Variants in MYT1L observed in about 807,000 individuals in gnomAD.
MYT1L encodes the protein myelin transcription factor 1 like, also known as myelin transcription factor 1-like protein.
In MYT1L, 12 loss-of-function variants were observed where a neutral mutation model predicts 126.7. The observed-to-expected ratio is 0.09, with a 90% CI of 0.06 to 0.15. The LOEUF (loss-of-function observed/expected upper bound fraction) is 0.15. Among genes scored for constraint, MYT1L ranks in the 10% least tolerant of loss-of-function variants. The pLI, the probability that MYT1L is intolerant of heterozygous loss-of-function variation, is 1.00. For missense variants in MYT1L, 979 were observed against 1,585.2 expected, an observed-to-expected ratio of 0.62 and a Z score of 6.49; for synonymous variants, 541 against 604.2, an observed-to-expected ratio of 0.90 and a Z score of 1.53.
intron 2 of MYT1L, among the ~76,000 whole-genome samples, chr2:2,188,947 C>T (rs2092397380): frequency 6.6e-6 from 1 of 152,166 alleles, no homozygotes; most frequent in Non-Finnish European, 1.5e-5. Flanking sequence ...TCTCCTCTCA[C>T]ACATGCTTCA....
At chr2:1,792,801 C>T (rs1266104024) in intron 23 of MYT1L, among the ~76,000 whole-genome samples, 6 of 136,874 alleles carry the variant, frequency 4.4e-5, no homozygotes, top group Non-Finnish European at 7.6e-5. Context: ...ACCCGAGAGG[C>T]GGAGGTTGCA....
chr2:2,226,992 G>A (rs910154256), intron 2 of MYT1L, among the ~76,000 whole-genome samples: 8 of 152,000 alleles, frequency 5.3e-5, no homozygotes, highest in African/African-American at 1.9e-4. Flanking sequence ...GATGACTTTT[G>A]AACAATAGGG....
intron 9 of MYT1L, among the ~76,000 whole-genome samples, chr2:1,942,204 C>A (rs1160790639): frequency 6.6e-6 from 1 of 152,202 alleles, no homozygotes; most frequent in Admixed American, 6.5e-5. Context: ...CCACAAAACT[C>A]CCACCTCTTT....
At chr2:2,240,280 C>T (rs187453585) in intron 2 of MYT1L, among the ~76,000 whole-genome samples, 112 of 151,928 alleles carry the variant, frequency 7.4e-4, no homozygotes, top group African/African-American at 2.4e-3. Context: ...GCAAAAAGAG[C>T]GAAACTCCGT....
intron 11 of MYT1L, among the ~76,000 whole-genome samples, chr2:1,916,681 T>C (rs545640117): frequency 2.0e-5 from 3 of 152,292 alleles, no homozygotes; most frequent in East Asian, 3.9e-4. Flanking sequence ...GAAGAACCTA[T>C]AGTGTTGAAA....
chr2:1,979,193 C>T lies in MYT1L; in HGVS notation c.124G>A (p.Val42Ile), dbSNP rs1030359101. ...CTGTGTCTTGCATATTTGCCACTGA[C>T]ATGACCACTGCCGTCACAGCCAGGG... is the stretch of plus-strand genomic sequence containing the variant. ...PTPGCDGSGH[V>I]SGKYARHRSV... Residue 42 changes from valine to isoleucine, a missense_variant, in exon 8 of 25, where the codon GTC becomes ATC. By Grantham distance (29) the Val-to-Ile change is conservative (BLOSUM62 3). Transcript: ENST00000647738. The surrounding 1 kb of genome is among the most constrained non-coding windows in gnomAD (Gnocchi z 4.0). 1 of 1,613,804 alleles carries T rather than the reference C, an allele frequency of 6.2e-7. No homozygotes were observed. Among genetic ancestry groups the T allele is most frequent in the African/African-American group, 1.3e-5 (1 of 74,908 alleles).
chr2:2,109,243 T>C (rs1309574170), intron 3 of MYT1L, among the ~76,000 whole-genome samples: 2 of 152,180 alleles, frequency 1.3e-5, no homozygotes, highest in Non-Finnish European at 2.9e-5. Context: ...TTTGGAATGT[T>C]TGCTACAGAA....
intron 4 of MYT1L, among the ~76,000 whole-genome samples, chr2:2,012,892 G>C (rs1183251840): frequency 6.6e-6 from 1 of 152,144 alleles, no homozygotes; most frequent in Non-Finnish European, 1.5e-5. Flanking sequence ...AGGCCGGCTT[G>C]TTGTTTATCA....
chr2:2,009,365 C>A (rs2063604010), intron 4 of MYT1L, among the ~76,000 whole-genome samples: 1 of 151,808 alleles, frequency 6.6e-6, no homozygotes, highest in Non-Finnish European at 1.5e-5. Context: ...TTATTTGTGC[C>A]TTTTTCCATT....
chr2:2,134,312 C>T (rs541861247), intron 3 of MYT1L, among the ~76,000 whole-genome samples: 1 of 152,280 alleles, frequency 6.6e-6, no homozygotes, highest in East Asian at 1.9e-4. Context: ...AACTTTGTTC[C>T]TACTATTGTA....
chr2:2,247,397 A>G (rs2094554444), intron 2 of MYT1L, among the ~76,000 whole-genome samples: 1 of 152,222 alleles, frequency 6.6e-6, no homozygotes, highest in Non-Finnish European at 1.5e-5. Context: ...ATATTATTAG[A>G]GCGAAAGAGA....
chr2:1,795,064 C>G (rs190621878), intron 23 of MYT1L, among the ~76,000 whole-genome samples: 2 of 152,316 alleles, frequency 1.3e-5, no homozygotes, highest in Admixed American at 6.5e-5. Context: ...AGCCCACACA[C>G]GAAGGGCCCC....
chr2:2,190,228 A>G (rs2148730089), intron 2 of MYT1L, among the ~76,000 whole-genome samples: 1 of 152,344 alleles, frequency 6.6e-6, no homozygotes, highest in South Asian at 2.1e-4. Context: ...AGGATGAGGC[A>G]GGCAGATCAC....
At chr2:2,143,454 A>G (rs1389736136) in intron 3 of MYT1L, among the ~76,000 whole-genome samples, 1 of 152,068 alleles carries the variant, frequency 6.6e-6, no homozygotes, top group Non-Finnish European at 1.5e-5. Context: ...ACTTCCTGCA[A>G]TTCTATTGGT....
chr2:2,199,310 C>T (rs2092955856), intron 2 of MYT1L, among the ~76,000 whole-genome samples: 2 of 152,208 alleles, frequency 1.3e-5, no homozygotes, highest in Non-Finnish European at 2.9e-5. Context: ...TTCAGAAAAA[C>T]TATGCTTACA....
chr2:2,311,184 C>A (rs1464624269), intron 1 of MYT1L, among the ~76,000 whole-genome samples: 1 of 152,192 alleles, frequency 6.6e-6, no homozygotes, highest in Non-Finnish European at 1.5e-5. Flanking sequence ...GGTTTGATAA[C>A]CAAGACCACA....
At chr2:2,018,901 C>G (rs116046680) in intron 4 of MYT1L, among the ~76,000 whole-genome samples, 5,711 of 152,244 alleles carry the variant, frequency 0.038, 147 homozygotes, top group Non-Finnish European at 0.05. Flanking sequence ...TGTCTACACT[C>G]ACGTGGGCAT....
intron 1 of MYT1L, among the ~76,000 whole-genome samples, chr2:2,286,258 G>A (rs890094474): frequency 6.6e-6 from 1 of 152,144 alleles, no homozygotes; most frequent in Non-Finnish European, 1.5e-5. Context: ...TGGGATTACA[G>A]GCATGGGATT....
chr2:2,228,806 G>A lies in MYT1L; in HGVS notation c.-421+55598C>T, dbSNP rs2094085478. On this transcript the variant is annotated intron_variant, in intron 2 of 24. Transcript: ENST00000647738. The surrounding 1 kb of genome is among the most constrained non-coding windows in gnomAD (Gnocchi z 5.9). ...TGTTATTTAGGTTGCTTCTTTTCAA[G>A]GTAACAGGGAAGTATTGATTATTTG... Among the ~76,000 whole-genome samples, 1 of 152,034 alleles carries A rather than the reference G, an allele frequency of 6.6e-6. No homozygotes were observed. The highest frequency in any genetic ancestry group is 2.1e-4 in the South Asian group (1 of 4,820).
Sources: allele counts gnomAD v4.1 joint callset (sites outside exome capture counted in the v4.1 genomes callset), GRCh38; gene constraint gnomAD v4.1.1; non-coding constraint Gnocchi (gnomAD v3.1); transcripts MANE v1.5; gene names NCBI Gene and HGNC (gene_info 2026-07-23, HGNC 2026-07-21).